OASL: variants seen among roughly 807,000 people sequenced by gnomAD.
OASL encodes 2'-5'-oligoadenylate synthetase like.
A neutral mutation model predicts 35.3 loss-of-function variants in OASL; 28 were observed. The ratio of observed to expected loss-of-function variants is 0.79; its 90% CI spans 0.59 to 1.09. The LOEUF (loss-of-function observed/expected upper bound fraction) is 1.09. Ranked by LOEUF, OASL falls within the 50% of genes least tolerant of loss-of-function variation. The probability of loss-of-function intolerance (pLI) is 0.00; values close to 1 mark genes in which losing one functional copy is unlikely to be tolerated. For synonymous variants in OASL, 252 were observed against 254.6 expected, an observed-to-expected ratio of 0.99 and a Z score of 0.10; for missense variants, 620 against 635.2, an observed-to-expected ratio of 0.98 and a Z score of 0.26.
intron 3 of OASL, among the ~76,000 whole-genome samples, chr12:121,029,487 G>C (rs375698484): frequency 5.3e-5 from 8 of 152,320 alleles, no homozygotes; most frequent in African/African-American, 1.9e-4. Flanking sequence ...AGGAGATCGA[G>C]ACCATCCTGG....
At chr12:121,017,878 A>T (rs1869073782), downstream of OASL, among the ~76,000 whole-genome samples, 1 of 152,254 alleles carries the variant, frequency 6.6e-6, no homozygotes, top group South Asian at 2.1e-4. Flanking sequence ...GACAAAGTCC[A>T]CATAAGCTTC....
At chr12:121,021,726 T>G (rs969878838) in intron 5 of OASL, among the ~76,000 whole-genome samples, 2 of 151,998 alleles carry the variant, frequency 1.3e-5, no homozygotes, top group African/African-American at 4.8e-5. Context: ...TGGGAGAATC[T>G]CTTGAACACA....
At chr12:121,021,032 C>T in exon 6 of OASL, 1 of 1,601,752 alleles carries the variant, frequency 6.2e-7, no homozygotes, top group African/African-American at 1.3e-5. Flanking sequence ...CCCTCTGCTC[C>T]ACTGTCAAGT....
At chr12:121,037,357 G>A (rs1869993890) in intron 1 of OASL, among the ~76,000 whole-genome samples, 1 of 152,114 alleles carries the variant, frequency 6.6e-6, no homozygotes, top group South Asian at 2.1e-4. Flanking sequence ...GCATGAAACA[G>A]CTGGAGGAAG....
chr12:121,018,363 G>T (rs964381441), downstream of OASL, among the ~76,000 whole-genome samples: 3 of 152,090 alleles, frequency 2.0e-5, no homozygotes, highest in Non-Finnish European at 4.4e-5. Context: ...GGTCTTCAGG[G>T]GGTAGGTGTC....
At chr12:121,018,353 G>A (rs572496987), downstream of OASL, among the ~76,000 whole-genome samples, 93 of 152,140 alleles carry the variant, frequency 6.1e-4, 1 homozygote, top group South Asian at 0.017. Flanking sequence ...CGTCTCTCTC[G>A]GTCTTCAGGG....
chr12:121,027,326 G>C (rs1282045865), intron 4 of OASL, among the ~76,000 whole-genome samples: 1 of 152,148 alleles, frequency 6.6e-6, no homozygotes, highest in Non-Finnish European at 1.5e-5. Context: ...CAGAGAGCAA[G>C]AAGGCCAAGC....
rs140216868 is a variant in OASL at position 121,027,736 on chromosome 12, C to G, written c.739G>C (p.Gly247Arg). Residue 247 changes from glycine to arginine, a missense_variant, in exon 4 of 6, where the codon GGT (glycine) becomes CGT (arginine). Coordinates refer to ENST00000257570, the Ensembl canonical transcript of OASL. ...ATGAAATTCTCGTCTTCTTCAGTAC[C>G]CATTTCCCAGGCATAGATGGTTAGA... is the stretch of plus-strand genomic sequence containing the variant. 3.7e-6 allele frequency: 6 copies of G among 1,613,984 alleles called. No individual in the cohort carries two copies. In the African/African-American group the frequency reaches 6.7e-5, roughly 18 times the overall value.
intron 5 of OASL, among the ~76,000 whole-genome samples, chr12:121,021,821 C>CA (rs1565903442): frequency 6.6e-6 from 1 of 151,650 alleles, no homozygotes; most frequent in African/African-American, 2.4e-5. Flanking sequence ...AAAAGGAAAA[C>CA]AAAAAAAGAA....
At chr12:121,034,689 A>G (rs940084026) in intron 1 of OASL, among the ~76,000 whole-genome samples, 5 of 152,174 alleles carry the variant, frequency 3.3e-5, no homozygotes, top group African/African-American at 1.2e-4. Context: ...AGCTGGGTAA[A>G]CATTCTGACT....
chr12:121,029,354 A>T (rs1869635058), intron 3 of OASL, among the ~76,000 whole-genome samples: 1 of 152,174 alleles, frequency 6.6e-6, no homozygotes. Context: ...ACTAACAAAA[A>T]AACTTTATCC....
intron 2 of OASL, 22 bp downstream of exon 2, chr12:121,033,439 G>A: frequency 6.2e-7 from 1 of 1,600,626 alleles, no homozygotes; most frequent in Non-Finnish European, 8.6e-7. Context: ...GTGTGAGTCG[G>A]GTGAGCTTCC....
Position 121,027,556 on chromosome 12 carries a change from G to A in OASL, c.899+20C>T, listed in dbSNP as rs1263224987. The A allele has an allele frequency of 6.2e-7, 1 of 1,611,740 alleles. No individual in the cohort carries two copies. The highest frequency in any genetic ancestry group is 8.5e-7 in the Non-Finnish European group (1 of 1,178,408). On this transcript the variant is annotated intron_variant, in intron 4 of 5. Coordinates refer to ENST00000257570, the Ensembl canonical transcript of OASL. ...CTCTTTTTTTCTGTAAGATTTGGTG[G>A]GCAAACAGTGGTCCAGTACCTCTCT...
intron 1 of OASL, among the ~76,000 whole-genome samples, chr12:121,037,459 C>T (rs1246822555): frequency 6.6e-6 from 1 of 152,064 alleles, no homozygotes; most frequent in Non-Finnish European, 1.5e-5. Flanking sequence ...GGGCAAGTCA[C>T]CTCACCTCTC....
exon 6 of OASL, chr12:121,019,210 G>T (rs918851928): frequency 6.6e-6 from 1 of 152,164 alleles, no homozygotes; most frequent in African/African-American, 2.4e-5. Context: ...GATGGGGACT[G>T]GAACAGCCTG....
At position 121,037,609 on chromosome 12, in the gene OASL, C is replaced by T. The variant is rs531728859; in HGVS notation, c.198+1165G>A. On this transcript the variant is annotated intron_variant, in intron 1 of 5. Coordinates refer to ENST00000257570, the Ensembl canonical transcript of OASL. Reference sequence around the variant, plus strand: ...CCAACACGGTGAAACCCTGTCTCTACTAAAATACAAAAAATTAGCCGGGCG... The same window carrying T: ...CCAACACGGTGAAACCCTGTCTCTATTAAAATACAAAAAATTAGCCGGGCG... Among the ~76,000 whole-genome samples the T allele has an allele frequency of 1.5e-3, 223 of 151,290 alleles. 3 individuals are homozygous for T. Among genetic ancestry groups the T allele is most frequent in the African/African-American group, 4.8e-3 (199 of 41,176 alleles).
chr12:121,025,253 G>C (rs963793111), intron 4 of OASL, among the ~76,000 whole-genome samples: 2 of 151,970 alleles, frequency 1.3e-5, no homozygotes, highest in African/African-American at 2.4e-5. Context: ...TGGGATTACA[G>C]GCATGAGCCA....
chr12:121,030,633 G>A (rs576117277), intron 3 of OASL, among the ~76,000 whole-genome samples: 9 of 152,124 alleles, frequency 5.9e-5, no homozygotes, highest in South Asian at 2.1e-4. Context: ...CCGTTATCTC[G>A]GAGGAAGATT....
intron 4 of OASL, among the ~76,000 whole-genome samples, chr12:121,024,971 C>CTTTTTTT (rs751576824): frequency 1.3e-4 from 8 of 63,572 alleles, no homozygotes; most frequent in Admixed American, 2.5e-4. Flanking sequence ...CCCTAAGTTC[C>CTTTTTTT]TTTTTTTTTT....
Sources: gnomAD v4.1 joint callset for allele counts (sites outside exome capture counted in the v4.1 genomes callset) on GRCh38, gnomAD v4.1.1 for gene constraint, MANE v1.5 for transcripts, NCBI Gene and HGNC (gene_info 2026-07-23, HGNC 2026-07-21) for gene names.